The following CDK5RAP1 variants were observed in gnomAD, a reference collection of about 807,000 sequenced individuals.
CDK5RAP1 encodes CDK5RAP1 mitochondrial tRNA methylthiotransferase.
In CDK5RAP1, 62 loss-of-function variants were observed where a neutral mutation model predicts 64.5. The observed-to-expected ratio is 0.96, with a 90% CI of 0.78 to 1.19. The LOEUF (loss-of-function observed/expected upper bound fraction) is 1.19, where lower values mean the gene tolerates loss of function less well. Among genes scored for constraint, CDK5RAP1 ranks in the 50% most tolerant of loss-of-function variants. CDK5RAP1 has a pLI of 0.00. For synonymous variants in CDK5RAP1, 250 were observed against 261.9 expected, an observed-to-expected ratio of 0.95 and a Z score of 0.44; for missense variants, 657 against 735.0, an observed-to-expected ratio of 0.89 and a Z score of 1.23.
intron 5 of CDK5RAP1, among the ~76,000 whole-genome samples, chr20:33,391,029 A>G (rs1053358118): frequency 1.3e-5 from 2 of 152,100 alleles, no homozygotes; most frequent in Admixed American, 1.3e-4. Flanking sequence ...AGGCAAGAGG[A>G]TCACACTTCA....
chr20:33,386,785 A>AAAC (rs1475770512), intron 6 of CDK5RAP1, among the ~76,000 whole-genome samples: 1 of 151,898 alleles, frequency 6.6e-6, no homozygotes, highest in Non-Finnish European at 1.5e-5. Flanking sequence ...TAAAAAAAAA[A>AAAC]AAAAAACCCT....
At chr20:33,359,215 G>A (rs1982452553) in intron 13 of CDK5RAP1, 92 bp from the exon 14 acceptor site, 3 of 944,988 alleles carry the variant, frequency 3.2e-6, no homozygotes, top group Non-Finnish European at 1.7e-6. Flanking sequence ...CCCCCAAAAG[G>A]AATCTGATGG....
chr20:33,384,678 G>A (rs1009185637), intron 7 of CDK5RAP1, among the ~76,000 whole-genome samples: 2 of 152,130 alleles, frequency 1.3e-5, no homozygotes, highest in Non-Finnish European at 2.9e-5. Flanking sequence ...AAGACAGTAG[G>A]ATTACTTGAT....
At chr20:33,396,352 T>C (rs1988894032) in intron 2 of CDK5RAP1, among the ~76,000 whole-genome samples, 1 of 152,166 alleles carries the variant, frequency 6.6e-6, no homozygotes, top group Non-Finnish European at 1.5e-5. Context: ...CAGACTCCAA[T>C]AAATTCCAAC....
intron 12 of CDK5RAP1, among the ~76,000 whole-genome samples, chr20:33,364,905 C>G (rs1226956815): frequency 3.4e-5 from 5 of 147,126 alleles, no homozygotes; most frequent in Non-Finnish European, 7.5e-5. Flanking sequence ...CAGACTCTAG[C>G]TGTGTATTTT....
chr20:33,394,669 C>T (rs1467500363), intron 3 of CDK5RAP1, among the ~76,000 whole-genome samples: 2 of 151,926 alleles, frequency 1.3e-5, no homozygotes, highest in African/African-American at 4.8e-5. Context: ...TTTAAGGGTA[C>T]AGTCCTGTGG....
intron 11 of CDK5RAP1, 96 bp from the exon 12 acceptor site, chr20:33,367,104 A>T: frequency 8.2e-7 from 1 of 1,223,328 alleles, no homozygotes; most frequent in Non-Finnish European, 1.1e-6. Flanking sequence ...CATTCTACCT[A>T]CAAGTAACAG....
intron 4 of CDK5RAP1, among the ~76,000 whole-genome samples, chr20:33,393,257 C>T (rs902366992): frequency 6.6e-6 from 1 of 151,994 alleles, no homozygotes; most frequent in Non-Finnish European, 1.5e-5. Flanking sequence ...TTCACTGTAG[C>T]CTTGAACTCC....
At chr20:33,389,329 G>C (rs1987962036) in intron 5 of CDK5RAP1, among the ~76,000 whole-genome samples, 1 of 151,462 alleles carries the variant, frequency 6.6e-6, no homozygotes, top group African/African-American at 2.4e-5. Context: ...TCTGAGAAGT[G>C]AGGAGCCCCT....
chr20:33,374,567 ATTT>A (rs796962548), intron 8 of CDK5RAP1, among the ~76,000 whole-genome samples: 1 of 141,908 alleles, frequency 7.0e-6, no homozygotes. Context: ...GTCACTTTCT[ATTT>A]TTTTTTTTTT....
rs551721086 is a variant in CDK5RAP1, at chr20:33,358,885, T to C, written c.*158A>G. ...TTAATGACTGTAAAAGCTGTTCACATAGCAGCTTTAAAGAGACACGTTTTC... is the reference window on the plus strand; with the variant it reads ...TTAATGACTGTAAAAGCTGTTCACACAGCAGCTTTAAAGAGACACGTTTTC... On this transcript the variant is annotated 3_prime_UTR_variant, in exon 14 of 14. Transcript: ENST00000346416. The C allele has an allele frequency of 1.5e-5, 9 of 608,754 alleles. No individual in the cohort carries two copies. The highest frequency in any genetic ancestry group is 1.0e-4 in the South Asian group (5 of 49,676). 37.7% of individuals were successfully genotyped at this position (608,754 alleles called of 1,614,324 possible). A position where few individuals can be genotyped will look rare whatever the true frequency, so the allele number is the denominator to read the frequency against.
chr20:33,395,021 G>C lies in CDK5RAP1; in HGVS notation c.400C>G (p.Leu134Val). 1 of 1,586,474 alleles carries C rather than the reference G, an allele frequency of 6.3e-7. No individual in the cohort carries two copies. Among genetic ancestry groups the C allele is most frequent in the Non-Finnish European group, 8.7e-7 (1 of 1,154,796 alleles). Residue 134 changes from leucine (L) to valine (V), a missense_variant, in exon 3 of 14, where the codon CTC becomes GTC. Physicochemically the swap from Leu to Val is conservative, Grantham distance 32. Coordinates refer to ENST00000346416, the MANE Select transcript of CDK5RAP1 (RefSeq NM_016408.4). Reference sequence around the variant, plus strand: ...ATAGGAAATGCATGTACCTCTTGGAGGTTACTGGTCCGCAGGTAGCCACTC... The same window carrying C: ...ATAGGAAATGCATGTACCTCTTGGACGTTACTGGTCCGCAGGTAGCCACTC... Reference protein sequence around the residue: ...QKSGYLRTSNLQEADVILLVT... With the variant: ...QKSGYLRTSNVQEADVILLVT...
At chr20:33,361,035 G>A (rs1982819861) in intron 12 of CDK5RAP1, among the ~76,000 whole-genome samples, 1 of 152,184 alleles carries the variant, frequency 6.6e-6, no homozygotes, top group African/African-American at 2.4e-5. Flanking sequence ...TAAAGAGACA[G>A]AAACAAGTTT....
chr20:33,367,084 C>T (rs291674), intron 11 of CDK5RAP1, 76 bp from the exon 12 acceptor site: 8 of 1,404,450 alleles, frequency 5.7e-6, no homozygotes, highest in Admixed American at 2.1e-5. Flanking sequence ...GCACAGAGGG[C>T]GACCATGTTC....
chr20:33,374,584 G>A (rs904424746), intron 8 of CDK5RAP1, among the ~76,000 whole-genome samples: 1 of 149,314 alleles, frequency 6.7e-6, no homozygotes, highest in Non-Finnish European at 1.5e-5. Context: ...TTTTTTTTGA[G>A]ACAGAGTATC....
chr20:33,400,147 C>T (rs145907021), intron 1 of CDK5RAP1, among the ~76,000 whole-genome samples: 24 of 152,368 alleles, frequency 1.6e-4, no homozygotes, highest in Admixed American at 4.6e-4. Context: ...GCCAATCTGA[C>T]GGGAGGCAGA....
Position 33,379,618 on chromosome 20 carries a change from C to T in CDK5RAP1, c.950G>A (p.Ser317Asn), listed in dbSNP as rs764405924. ...FRDNSEVQFN[S>N]AVPTNLSRGF... The stretch of plus-strand genomic sequence containing the variant: ...ACGACTGAGATTGGTAGGCACTGCA[C>T]TGTTGAACTGGACCTCCGAATTGTC... Residue 317 changes from serine (S) to asparagine (N), a missense_variant, in exon 8 of 14, where the codon AGT (serine) becomes AAT (asparagine). Ser to Asn is a conservative substitution (Grantham distance 46). Coordinates refer to ENST00000346416, the MANE Select transcript of CDK5RAP1 (RefSeq NM_016408.4). 1 of 1,614,130 alleles carries T rather than the reference C, an allele frequency of 6.2e-7. No individual in the cohort carries two copies. The highest frequency in any genetic ancestry group is 8.5e-7 in the Non-Finnish European group (1 of 1,180,010).
At chr20:33,388,840 T>C (rs1987856984) in intron 5 of CDK5RAP1, among the ~76,000 whole-genome samples, 1 of 152,138 alleles carries the variant, frequency 6.6e-6, no homozygotes, top group Non-Finnish European at 1.5e-5. Flanking sequence ...TTGGCCGGGC[T>C]GGTCTCCAGC....
chr20:33,370,603 C>A lies in CDK5RAP1; in HGVS notation c.1288G>T (p.Ala430Ser), dbSNP rs1984835664. 2.5e-6 allele frequency: 4 copies of A among 1,614,186 alleles called. No individual in the cohort carries two copies. The Admixed American group carries it at 5.0e-5, about 20-fold the overall frequency. ...TCCTCCGTCTCACCACAAAAGCCAG[C>A]AATGAAATCGCTGCTGAGGCTCACA... is the stretch of plus-strand genomic sequence containing the variant. ...PGVSLSSDFIAGFCGETEEDH... is the reference protein window; with the variant it reads ...PGVSLSSDFISGFCGETEEDH... The change falls in exon 11 of 14, where the codon GCT (alanine) becomes TCT (serine). Residue 430 changes from alanine (A) to serine (S), a missense_variant. Physicochemically the swap from Ala to Ser is moderately conservative, Grantham distance 99 (BLOSUM62 1). Coordinates refer to ENST00000346416, the MANE Select transcript of CDK5RAP1 (RefSeq NM_016408.4).
Sources: gnomAD v4.1 joint callset for allele counts (sites outside exome capture counted in the v4.1 genomes callset) on GRCh38, gnomAD v4.1.1 for gene constraint, MANE v1.5 for transcripts, NCBI Gene and HGNC (gene_info 2026-07-23, HGNC 2026-07-21) for gene names.